DIPK2A: variants seen among roughly 807,000 people sequenced by gnomAD.
DIPK2A encodes the protein Golgi Protein of 49 kDa.
Under a neutral mutation model 39.0 loss-of-function variants are expected in DIPK2A, and 27 were observed. That is an observed-to-expected ratio of 0.69 (90% confidence interval 0.51 to 0.96). DIPK2A has a LOEUF of 0.96. DIPK2A is among the 40% of genes least tolerant of loss of function. The pLI is 0.00. For synonymous variants in DIPK2A, 298 were observed against 240.8 expected, an observed-to-expected ratio of 1.24 and a Z score of -2.20; for missense variants, 528 against 571.3, an observed-to-expected ratio of 0.92 and a Z score of 0.77.
rs376574131 is a variant in DIPK2A, at chr3:143,989,666, C to T, written c.1118C>T (p.Thr373Ile). ...VCQNLLSRHA[T>I]WRGTSGGLLH... is the part of the protein sequence containing the mutation. ...CAGAACCTCTTATCCAGACATGCCA[C>T]CTGGCGTGGCACTTCTGGAGGACTC... Residue 373 changes from threonine (T) to isoleucine (I), a missense_variant, in exon 3 of 3, where the codon ACC becomes ATC. This residue lies in a region of DIPK2A where 219 missense variants were observed against 281.5 expected (regional missense o/e 0.78). Coordinates refer to ENST00000315691, the MANE Select transcript of DIPK2A (RefSeq NM_173552.5). 1.4e-5 allele frequency: 22 copies of T among 1,614,108 alleles called. No individual in the cohort carries two copies. Among genetic ancestry groups the T allele is most frequent in the South Asian group, 3.3e-5 (3 of 91,088 alleles).
At position 143,990,756 on chromosome 3, in the gene DIPK2A, T is replaced by C. The variant is rs1318508101; in HGVS notation, c.*915T>C. 6.6e-6 allele frequency: 1 copy of C among 152,630 alleles called. No individual in the cohort carries two copies. The highest frequency in any genetic ancestry group is 1.5e-5 in the Non-Finnish European group (1 of 68,000). 9.5% of individuals were successfully genotyped at this position (152,630 alleles called of 1,614,324 possible). A position where few individuals can be genotyped will look rare whatever the true frequency, so the allele number is the denominator to read the frequency against. ...GCATATGCCAAAGAAATATTACACC[T>C]AATCTCATGTTTAGAATTTAAAATA... On this transcript the variant is annotated 3_prime_UTR_variant, in exon 3 of 3. Transcript: ENST00000315691.
intron 1 of DIPK2A, among the ~76,000 whole-genome samples, chr3:143,977,535 A>G (rs907222893): frequency 5.3e-5 from 8 of 152,082 alleles, no homozygotes; most frequent in Non-Finnish European, 1.2e-4. Flanking sequence ...TTGTGAGGCA[A>G]TAGTGTGCAA....
chr3:143,980,536 G>A (rs987005641), intron 1 of DIPK2A, among the ~76,000 whole-genome samples: 141 of 152,162 alleles, frequency 9.3e-4, no homozygotes, highest in African/African-American at 3.2e-3. Flanking sequence ...CAAAGTGCTG[G>A]GATTATAGGT....
intron 1 of DIPK2A, among the ~76,000 whole-genome samples, chr3:143,977,325 ATTGTTGTTGTTG>A (rs367900260): frequency 1.3e-5 from 2 of 151,600 alleles, no homozygotes; most frequent in African/African-American, 4.8e-5. Flanking sequence ...TTTGGTTTTT[ATTGTTGTTGTTG>A]TTGTTGTTGT....
intron 1 of DIPK2A, among the ~76,000 whole-genome samples, chr3:143,974,474 G>A (rs1194843254): frequency 6.6e-6 from 1 of 152,104 alleles, no homozygotes; most frequent in Non-Finnish European, 1.5e-5. Flanking sequence ...GTCTCTAAAG[G>A]TTTAGCCTGT....
rs201166367 is a variant in DIPK2A at position 143,972,695 on chromosome 3, C to G, written c.363C>G (p.Leu121=). ...RLGSQRELAQ[L]DQSICKRATG... ...GCTCGCAGCGCGAGCTGGCGCAGCT[C>G]GACCAGAGCATCTGCAAGCGGGCCA... Residue 121 remains leucine, a synonymous_variant, in exon 1 of 3, where the codon CTC becomes CTG. Transcript: ENST00000315691. 6.8e-6 allele frequency: 11 copies of G among 1,606,618 alleles called. No homozygotes were observed. The highest frequency in any genetic ancestry group is 2.2e-5 in the East Asian group (1 of 44,714).
At chr3:143,980,310 C>T (rs2087808913) in intron 1 of DIPK2A, among the ~76,000 whole-genome samples, 2 of 152,230 alleles carry the variant, frequency 1.3e-5, no homozygotes, top group South Asian at 2.1e-4. Flanking sequence ...CTCTGTCATC[C>T]AGGCCGGAGT....
chr3:143,978,570 T>G (rs2087763039), intron 1 of DIPK2A: 1 of 146,604 alleles, frequency 6.8e-6, no homozygotes, highest in African/African-American at 2.5e-5. Flanking sequence ...TAATAAGCCC[T>G]GTACAAAAGG....
At position 143,991,782 on chromosome 3, in the gene DIPK2A, A is replaced by G. The variant is rs1050938468; in HGVS notation, c.*1941A>G. The G allele has an allele frequency of 6.6e-6, 1 of 152,228 alleles. No individual in the cohort carries two copies. Among genetic ancestry groups the G allele is most frequent in the Non-Finnish European group, 1.5e-5 (1 of 68,022 alleles). The allele number at this position is 152,228 out of a possible 1,614,324, so 9.4% of individuals were successfully genotyped here. A position where few individuals can be genotyped will look rare whatever the true frequency, so the allele number is the denominator to read the frequency against. On this transcript the variant is annotated 3_prime_UTR_variant, in exon 3 of 3. Coordinates refer to ENST00000315691, the MANE Select transcript of DIPK2A (RefSeq NM_173552.5). ...TTACTCAAAACTTCAAATAAAATAC[A>G]CATTTTCAAGAGGGAGCACCTTTTA... is the stretch of plus-strand genomic sequence containing the variant.
chr3:143,984,114 A>T (rs1027950917), intron 1 of DIPK2A, among the ~76,000 whole-genome samples: 4 of 152,116 alleles, frequency 2.6e-5, no homozygotes, highest in African/African-American at 4.8e-5. Flanking sequence ...AATTGAGGAG[A>T]GTTGGGTTCT....
rs1348216292 is a variant in DIPK2A, at chr3:143,991,156, A to G, written c.*1315A>G. 2 of 147,444 alleles carry G rather than the reference A, an allele frequency of 1.4e-5. No homozygotes were observed. The highest frequency in any genetic ancestry group is 2.6e-5 in the African/African-American group (1 of 38,910). The allele number at this position is 147,444 out of a possible 1,614,324, so 9.1% of individuals were successfully genotyped here. ...AAGTTGACTATCACTAACAGGTAAT[A>G]TTTTTCTGTTTGAAGTTGTTACTTT... On this transcript the variant is annotated 3_prime_UTR_variant, in exon 3 of 3. Coordinates refer to ENST00000315691, the MANE Select transcript of DIPK2A (RefSeq NM_173552.5).
chr3:143,972,270 T>C lies in DIPK2A; in HGVS notation c.-63T>C. Reference sequence around the variant, plus strand: ...GGGTTCCTGCCGGTAGCTCTCCGGGTCTTGGCGCGGCGGGGGCGCCCCGGG... The same window carrying C: ...GGGTTCCTGCCGGTAGCTCTCCGGGCCTTGGCGCGGCGGGGGCGCCCCGGG... On this transcript the variant is annotated 5_prime_UTR_variant, in exon 1 of 3. Coordinates refer to ENST00000315691, the MANE Select transcript of DIPK2A (RefSeq NM_173552.5). 5 of 1,324,428 alleles carry C rather than the reference T, an allele frequency of 3.8e-6. No individual in the cohort carries two copies. Among genetic ancestry groups the C allele is most frequent in the Non-Finnish European group, 4.8e-6 (5 of 1,037,702 alleles). 82.0% of individuals were successfully genotyped at this position (1,324,428 alleles called of 1,614,324 possible).
intron 1 of DIPK2A, among the ~76,000 whole-genome samples, chr3:143,980,105 A>G (rs2087805838): frequency 6.6e-6 from 1 of 152,228 alleles, no homozygotes; most frequent in South Asian, 2.1e-4. Flanking sequence ...TCCCCTCCAG[A>G]CAGTTCACCA....
intron 1 of DIPK2A, among the ~76,000 whole-genome samples, chr3:143,981,449 A>G (rs2087827992): frequency 6.6e-6 from 1 of 152,180 alleles, no homozygotes; most frequent in Non-Finnish European, 1.5e-5. Context: ...CTGAGAAGAT[A>G]CTTTCAGGCT....
At chr3:143,975,728 T>C (rs13320111) in intron 1 of DIPK2A, among the ~76,000 whole-genome samples, 12,925 of 152,092 alleles carry the variant, frequency 0.085, 742 homozygotes, top group East Asian at 0.24. Flanking sequence ...TTTAACAGCT[T>C]GAAGAGGAAC....
chr3:143,973,887 ACT>A (rs779380828), intron 1 of DIPK2A, among the ~76,000 whole-genome samples: 2 of 152,160 alleles, frequency 1.3e-5, no homozygotes, highest in African/African-American at 4.8e-5. Context: ...AAACAAAAAC[ACT>A]GTTTACTTTC....
At chr3:143,973,471 T>C in intron 1 of DIPK2A, 1 of 1,551,590 alleles carries the variant, frequency 6.4e-7, no homozygotes, top group Admixed American at 2.0e-5. Context: ...CTCAGAGTCT[T>C]TGTTTTCGCT....
At chr3:143,979,841 A>G (rs778128387) in intron 1 of DIPK2A, among the ~76,000 whole-genome samples, 7 of 152,132 alleles carry the variant, frequency 4.6e-5, no homozygotes, top group Non-Finnish European at 8.8e-5. Flanking sequence ...AAATAACACA[A>G]CCTTACTATT....
At chr3:143,978,663 T>TAG (rs2087780521) in intron 1 of DIPK2A, 1 of 43,860 alleles carries the variant, frequency 2.3e-5, no homozygotes, top group Non-Finnish European at 4.0e-5. Context: ...TATATATCTA[T>TAG]ATATAGATAT....
Sources: gnomAD v4.1 joint callset for allele counts (sites outside exome capture counted in the v4.1 genomes callset) on GRCh38, gnomAD v4.1.1 for gene constraint, gnomAD v4.1.1 regional missense constraint, MANE v1.5 for transcripts, NCBI Gene and HGNC (gene_info 2026-07-23, HGNC 2026-07-21) for gene names.